RGS6: variants seen among roughly 807,000 people sequenced by gnomAD.
The protein encoded by RGS6 is regulator of G protein signaling 6, also known as regulator of G-protein signaling 6.
In RGS6, 30 loss-of-function variants were observed where a neutral mutation model predicts 78.5. That is an observed-to-expected ratio of 0.38 (90% CI 0.29 to 0.52). The LOEUF (loss-of-function observed/expected upper bound fraction) is 0.52. Ranked by LOEUF, RGS6 falls within the 20% of genes least tolerant of loss-of-function variation. The pLI is 0.85. For synonymous variants in RGS6, 206 were observed against 206.0 expected, an observed-to-expected ratio of 1.00 and a Z score of 0.00; for missense variants, 495 against 609.7, an observed-to-expected ratio of 0.81 and a Z score of 1.98.
At chr14:71,984,315 A>AC (rs1326079849) in intron 2 of RGS6, among the ~76,000 whole-genome samples, 1 of 112,310 alleles carries the variant, frequency 8.9e-6, no homozygotes, top group East Asian at 2.9e-4. Flanking sequence ...AAAAAAAAAA[A>AC]AAAAAAACAA....
intron 2 of RGS6, among the ~76,000 whole-genome samples, chr14:72,127,558 A>C (rs1416936787): frequency 6.6e-6 from 1 of 152,224 alleles, no homozygotes; most frequent in Non-Finnish European, 1.5e-5. Flanking sequence ...AATAGTATTC[A>C]CATAAAGTTT....
chr14:72,615,372 C>T, the RGS6 span, among the ~76,000 whole-genome samples: 2 of 152,118 alleles, frequency 1.3e-5, no homozygotes, highest in African/African-American at 2.4e-5. Context: ...CCACTTGCCC[C>T]GAAAGGAAAA....
chr14:72,485,151 A>G (rs940637415), intron 12 of RGS6, among the ~76,000 whole-genome samples: 2 of 152,158 alleles, frequency 1.3e-5, no homozygotes, highest in African/African-American at 4.8e-5. Flanking sequence ...AGTCAGGGAT[A>G]AAGGGACAAG....
chr14:72,346,343 C>T (rs1271594873), intron 2 of RGS6, among the ~76,000 whole-genome samples: 4 of 152,182 alleles, frequency 2.6e-5, no homozygotes, highest in South Asian at 2.1e-4. Flanking sequence ...AGGAGTGTCA[C>T]GGGTCAAAGC....
intron 13 of RGS6, among the ~76,000 whole-genome samples, chr14:72,508,121 G>A (rs1392599285): frequency 1.3e-5 from 2 of 152,104 alleles, no homozygotes; most frequent in Admixed American, 6.5e-5. Flanking sequence ...TGACCTGATG[G>A]GGTTAGTCTA....
chr14:71,912,610 G>A, the RGS6 span, among the ~76,000 whole-genome samples: 14 of 152,032 alleles, frequency 9.2e-5, no homozygotes, highest in Admixed American at 9.2e-4. Context: ...AACTACAACC[G>A]GGAAATTTCC....
intron 2 of RGS6, among the ~76,000 whole-genome samples, chr14:72,247,355 A>G (rs2054492303): frequency 6.6e-6 from 1 of 152,186 alleles, no homozygotes; most frequent in Admixed American, 6.5e-5. Context: ...AACCAGCTCA[A>G]ATCCTTCAAA....
intron 14 of RGS6, 129 bp downstream of exon 14, chr14:72,510,408 T>C (rs2096864244): frequency 8.2e-7 from 1 of 1,215,390 alleles, no homozygotes; most frequent in African/African-American, 1.5e-5. Flanking sequence ...CTAATCTGGC[T>C]GAGGTTGAAA....
In RGS6 at chr14:72,564,716, CCTT is replaced by C. The variant is rs2097701808; in HGVS notation, c.*2252_*2254del. On this transcript the variant is annotated 3_prime_UTR_variant, in exon 18 of 18. Coordinates refer to ENST00000553525, the MANE Select transcript of RGS6 (RefSeq NM_001204424.2). Reference sequence around the variant, plus strand: ...GGCCATTCCCTCTGTGCCCCCTTCTCCTTCTGACTGGTCTCACCCTGGAGATCC... The same window carrying C: ...GGCCATTCCCTCTGTGCCCCCTTCTCCTGACTGGTCTCACCCTGGAGATCC... The C allele has an allele frequency of 6.6e-6, 1 of 152,292 alleles. No homozygotes were observed. The highest frequency in any genetic ancestry group is 1.5e-5 in the Non-Finnish European group (1 of 68,114). 9.4% of individuals were successfully genotyped at this position (152,292 alleles called of 1,614,324 possible).
intron 2 of RGS6, among the ~76,000 whole-genome samples, chr14:72,102,187 C>T (rs962005998): frequency 1.3e-5 from 2 of 152,168 alleles, no homozygotes; most frequent in Admixed American, 6.5e-5. Context: ...TCATCAGTGA[C>T]GTACTGCTTC....
intron 13 of RGS6, among the ~76,000 whole-genome samples, chr14:72,508,140 A>G (rs1412083060): frequency 1.3e-5 from 2 of 151,886 alleles, no homozygotes; most frequent in African/African-American, 4.8e-5. Context: ...TACCACCATG[A>G]CCCTATTGGA....
At chr14:72,594,649 G>C in the RGS6 span, 44 of 152,128 alleles carry the variant, frequency 2.9e-4, no homozygotes, top group African/African-American at 1.1e-3. Flanking sequence ...CTGGCTGTGC[G>C]AAGAGAAAAC....
At chr14:72,334,693 C>T (rs978689369) in intron 2 of RGS6, among the ~76,000 whole-genome samples, 1 of 152,190 alleles carries the variant, frequency 6.6e-6, no homozygotes, top group Non-Finnish European at 1.5e-5. Flanking sequence ...GTCCCTGAAA[C>T]TAGCAAGGGT....
At chr14:72,086,974 C>T (rs558930290) in intron 2 of RGS6, among the ~76,000 whole-genome samples, 1 of 152,274 alleles carries the variant, frequency 6.6e-6, no homozygotes, top group East Asian at 1.9e-4. Flanking sequence ...CTATTAAATA[C>T]TTAAATCCAT....
intron 2 of RGS6, among the ~76,000 whole-genome samples, chr14:72,057,718 T>C (rs971170052): frequency 6.6e-6 from 1 of 152,198 alleles, no homozygotes; most frequent in African/African-American, 2.4e-5. Flanking sequence ...TGTAGGGCCT[T>C]TTGCGCGTCA....
At chr14:72,133,647 A>G (rs551542321) in intron 2 of RGS6, among the ~76,000 whole-genome samples, 27 of 152,082 alleles carry the variant, frequency 1.8e-4, no homozygotes, top group Non-Finnish European at 2.9e-4. Context: ...ATGGGAAGAT[A>G]CTATGTCAGA....
chr14:72,339,236 T>A (rs1166251525), intron 2 of RGS6, among the ~76,000 whole-genome samples: 1 of 152,108 alleles, frequency 6.6e-6, no homozygotes, highest in East Asian at 1.9e-4. Flanking sequence ...ATGAATGAGA[T>A]TAGATTTGAG....
At chr14:72,211,137 C>T (rs2044034445) in intron 2 of RGS6, among the ~76,000 whole-genome samples, 1 of 152,046 alleles carries the variant, frequency 6.6e-6, no homozygotes, top group South Asian at 2.1e-4. Flanking sequence ...TTGGCCATAA[C>T]CTAGAGTTAT....
At chr14:72,332,872 A>G (rs2075333840) in intron 2 of RGS6, among the ~76,000 whole-genome samples, 2 of 152,196 alleles carry the variant, frequency 1.3e-5, no homozygotes, top group South Asian at 4.2e-4. Flanking sequence ...AGAGATTGCA[A>G]GAGCTGGAGA....
Sources: gnomAD v4.1 joint callset for allele counts (sites outside exome capture counted in the v4.1 genomes callset) on GRCh38, gnomAD v4.1.1 for gene constraint, MANE v1.5 for transcripts, NCBI Gene and HGNC (gene_info 2026-07-23, HGNC 2026-07-21) for gene names.